DCAF6: variants seen among roughly 807,000 people sequenced by gnomAD.
DCAF6 encodes the protein DDB1- and CUL4-associated factor 6.
In DCAF6, 54 loss-of-function variants were observed where a neutral mutation model predicts 125.1. That is an observed-to-expected ratio of 0.43 (90% CI 0.35 to 0.54). DCAF6 has a LOEUF of 0.54. Among genes scored for constraint, DCAF6 ranks in the 20% least tolerant of loss-of-function variants. The pLI is 0.01. For synonymous variants in DCAF6, 371 were observed against 390.4 expected (o/e 0.95, Z 0.58); for missense variants, 934 against 1,161.7 (o/e 0.80, Z 2.85).
chr1:167,973,190 T>C (rs1276965452), intron 3 of DCAF6, among the ~76,000 whole-genome samples: 2 of 152,252 alleles, frequency 1.3e-5, no homozygotes, highest in African/African-American at 4.8e-5. Context: ...CATTGACATG[T>C]CAGGCTAGTT....
At position 168,075,439 on chromosome 1, in the gene DCAF6, A is replaced by T. The variant is rs532700180; in HGVS notation, c.*4A>T. 1 of 1,592,182 alleles carries T rather than the reference A, an allele frequency of 6.3e-7. No individual in the cohort carries two copies. Among genetic ancestry groups the T allele is most frequent in the Admixed American group, 1.8e-5 (1 of 55,078 alleles). ...TGAAAATGAGGATGAGGAATAATAAACTCTTTTTGGCAAGCACTTAAATGT... is the reference window on the plus strand; with the variant it reads ...TGAAAATGAGGATGAGGAATAATAATCTCTTTTTGGCAAGCACTTAAATGT... On this transcript the variant is annotated 3_prime_UTR_variant, in exon 22 of 22. Transcript: ENST00000367840.
chr1:167,946,073 C>A (rs1242855156), intron 1 of DCAF6, among the ~76,000 whole-genome samples: 1 of 148,696 alleles, frequency 6.7e-6, no homozygotes, highest in Non-Finnish European at 1.5e-5. Context: ...TCTCCTGCCT[C>A]AGCCTCCCGA....
intron 1 of DCAF6, among the ~76,000 whole-genome samples, chr1:167,937,421 A>T (rs1441009429): frequency 6.6e-6 from 1 of 151,780 alleles, no homozygotes; most frequent in Non-Finnish European, 1.5e-5. Flanking sequence ...CTCTCCTTCA[A>T]TCTCCAGAGG....
chr1:167,963,437 G>GT (rs71100917), intron 2 of DCAF6, among the ~76,000 whole-genome samples: 8 of 132,916 alleles, frequency 6.0e-5, no homozygotes, highest in South Asian at 2.3e-4. Context: ...TTTTGTTTCT[G>GT]TTTTTTTTTT....
chr1:167,955,972 C>G (rs1343315620), intron 2 of DCAF6, among the ~76,000 whole-genome samples: 1 of 152,110 alleles, frequency 6.6e-6, no homozygotes, highest in Non-Finnish European at 1.5e-5. Flanking sequence ...TGTTGCCCGT[C>G]TGGTCTTGAA....
chr1:167,868,135 G>T, the DCAF6 span, among the ~76,000 whole-genome samples: 1 of 152,256 alleles, frequency 6.6e-6, no homozygotes, highest in Middle Eastern at 3.4e-3. Flanking sequence ...AACTAAATGT[G>T]CCAGTACCAG....
upstream of DCAF6, among the ~76,000 whole-genome samples, chr1:167,935,245 A>ATGCAGTTTGGGGG (rs1671068739): frequency 6.6e-6 from 1 of 152,252 alleles, no homozygotes; most frequent in African/African-American, 2.4e-5. Flanking sequence ...TGGATGAAGT[A>ATGCAGTTTGGGGG]AAGCATGCAG....
intron 3 of DCAF6, chr1:167,969,409 C>G (rs1469635583): frequency 6.6e-6 from 1 of 152,092 alleles, no homozygotes; most frequent in Non-Finnish European, 1.5e-5. Flanking sequence ...CATATGAGTT[C>G]TAATTAGGTT....
chr1:167,998,101 A>G (rs1051309793), intron 7 of DCAF6, among the ~76,000 whole-genome samples: 1 of 152,160 alleles, frequency 6.6e-6, no homozygotes, highest in Non-Finnish European at 1.5e-5. Flanking sequence ...TCTCTTGGAG[A>G]TATTGCAGGT....
intron 12 of DCAF6, among the ~76,000 whole-genome samples, chr1:168,029,174 GT>G: frequency 6.6e-6 from 1 of 152,238 alleles, no homozygotes. Flanking sequence ...TATACCTCCA[GT>G]TTGTTTAACT....
At chr1:167,924,241 C>T in the DCAF6 span, among the ~76,000 whole-genome samples, 3 of 151,974 alleles carry the variant, frequency 2.0e-5, no homozygotes, top group Admixed American at 2.0e-4. Context: ...ATTTCATGTC[C>T]ATGTGGTGCA....
the DCAF6 span, among the ~76,000 whole-genome samples, chr1:167,902,689 T>C: frequency 6.6e-6 from 1 of 152,290 alleles, no homozygotes; most frequent in South Asian, 2.1e-4. Context: ...CATCAAGATA[T>C]TACTAAGGAA....
chr1:167,887,023 A>G, the DCAF6 span, among the ~76,000 whole-genome samples: 13 of 152,292 alleles, frequency 8.5e-5, no homozygotes, highest in East Asian at 2.3e-3. Context: ...TTAGAATGGC[A>G]ATCATTAAAA....
rs1278379166 is a variant in DCAF6, at chr1:168,025,916, C to G, written c.1609+2869C>G. Among the ~76,000 whole-genome samples, 3 of 152,190 alleles carry G rather than the reference C, an allele frequency of 2.0e-5. No individual in the cohort carries two copies. In the East Asian group the frequency reaches 5.8e-4, roughly 29 times the overall value. On this transcript the variant is annotated intron_variant, in intron 12 of 21. Transcript: ENST00000367840. The stretch of plus-strand genomic sequence containing the variant: ...GATTTCTGTATCTCTAATCTCGTCT[C>G]AGGCCACTATCCCATCATTCACTAA...
upstream of DCAF6, chr1:167,936,303 C>T (rs961798606): frequency 1.5e-4 from 29 of 194,986 alleles, no homozygotes; most frequent in Admixed American, 3.9e-4. Context: ...TTCTACTGCC[C>T]TTTCACTTTG....
intron 12 of DCAF6, among the ~76,000 whole-genome samples, chr1:168,037,476 C>G (rs1276117187): frequency 6.6e-6 from 1 of 152,086 alleles, no homozygotes; most frequent in Admixed American, 6.5e-5. Flanking sequence ...TTTGTATTCC[C>G]TATGTATTTT....
chr1:167,884,090 C>T, the DCAF6 span, among the ~76,000 whole-genome samples: 2 of 152,086 alleles, frequency 1.3e-5, no homozygotes, highest in Non-Finnish European at 2.9e-5. Flanking sequence ...AGCATTTATC[C>T]TTTGTGTTAC....
At chr1:167,928,145 G>A in the DCAF6 span, among the ~76,000 whole-genome samples, 1 of 152,008 alleles carries the variant, frequency 6.6e-6, no homozygotes, top group Admixed American at 6.5e-5. Flanking sequence ...TCAGAAGATC[G>A]AGACCATCCT....
chr1:167,888,496 TA>T, the DCAF6 span, among the ~76,000 whole-genome samples: 1 of 152,172 alleles, frequency 6.6e-6, no homozygotes, highest in Middle Eastern at 3.4e-3. Flanking sequence ...GGTTAATTAC[TA>T]GGTACTTTAT....
Sources: gnomAD v4.1 joint callset for allele counts (sites outside exome capture counted in the v4.1 genomes callset) on GRCh38, gnomAD v4.1.1 for gene constraint, MANE v1.5 for transcripts, NCBI Gene and HGNC (gene_info 2026-07-23, HGNC 2026-07-21) for gene names.